Variants in REDIC1 observed in about 807,000 individuals in gnomAD.
REDIC1 encodes the protein HEI10 Interacting Protein 1.
At chr12:39,782,318 A>C in the REDIC1 span, among the ~76,000 whole-genome samples, 1 of 152,084 alleles carries the variant, frequency 6.6e-6, no homozygotes, top group Non-Finnish European at 1.5e-5. Context: ...GAAGGTACCC[A>C]GGGGGAGCTA....
chr12:39,682,956 A>C, the REDIC1 span: 1 of 1,613,462 alleles, frequency 6.2e-7, no homozygotes, highest in South Asian at 1.1e-5. Context: ...TCACTGACAG[A>C]TGCATTAGAA....
the REDIC1 span, among the ~76,000 whole-genome samples, chr12:39,664,135 T>G: frequency 1.2e-3 from 182 of 152,164 alleles, no homozygotes; most frequent in Non-Finnish European, 1.9e-3. Flanking sequence ...GCAGGTTAGT[T>G]ACATATGTAT....
the REDIC1 span, among the ~76,000 whole-genome samples, chr12:39,653,874 A>G: frequency 6.6e-6 from 1 of 152,012 alleles, no homozygotes; most frequent in Non-Finnish European, 1.5e-5. Flanking sequence ...ACTTTTTATC[A>G]TGAATTTTGT....
chr12:39,843,901 A>G, the REDIC1 span, among the ~76,000 whole-genome samples: 1 of 152,050 alleles, frequency 6.6e-6, no homozygotes, highest in Non-Finnish European at 1.5e-5. Flanking sequence ...GTATATGATT[A>G]CTGGCACATG....
chr12:39,900,231 A>T, the REDIC1 span, among the ~76,000 whole-genome samples: 9 of 152,280 alleles, frequency 5.9e-5, no homozygotes, highest in South Asian at 1.9e-3. Flanking sequence ...CACAGCCAAT[A>T]TCATACTGAA....
chr12:39,856,733 C>G, the REDIC1 span, among the ~76,000 whole-genome samples: 3 of 152,172 alleles, frequency 2.0e-5, no homozygotes, highest in African/African-American at 7.2e-5. Flanking sequence ...ACTATTCAGA[C>G]AAGGAACACG....
the REDIC1 span, among the ~76,000 whole-genome samples, chr12:39,747,771 T>C: frequency 6.6e-6 from 1 of 152,194 alleles, no homozygotes; most frequent in East Asian, 1.9e-4. Context: ...GGGGCCAATA[T>C]TCAACATTCT....
chr12:39,896,309 CATATATGTATGTATATGTGT>C, the REDIC1 span, among the ~76,000 whole-genome samples: 1 of 83,902 alleles, frequency 1.2e-5, no homozygotes, highest in African/African-American at 4.3e-5. Flanking sequence ...TATATGTATA[CATATATGTATGTATATGTGT>C]ATATATGTAT....
the REDIC1 span, among the ~76,000 whole-genome samples, chr12:39,874,378 C>A: frequency 6.6e-6 from 1 of 152,018 alleles, no homozygotes; most frequent in Non-Finnish European, 1.5e-5. Context: ...CTTTGGGAGG[C>A]CAAGGCGGGT....
the REDIC1 span, among the ~76,000 whole-genome samples, chr12:39,724,231 G>C: frequency 1.3e-5 from 2 of 152,186 alleles, no homozygotes; most frequent in East Asian, 3.9e-4. Flanking sequence ...CTACAACTCT[G>C]CTTACTCAAA....
At chr12:39,871,885 C>A in the REDIC1 span, 1 of 1,611,964 alleles carries the variant, frequency 6.2e-7, no homozygotes, top group South Asian at 1.1e-5. Flanking sequence ...TTTGTGAAGG[C>A]TGTAACTGAA....
At chr12:39,640,857 T>C in the REDIC1 span, 3 of 797,464 alleles carry the variant, frequency 3.8e-6, no homozygotes, top group Admixed American at 7.8e-5. Context: ...ACTACACTTT[T>C]AGATTTTAAC....
At chr12:39,844,416 C>T in the REDIC1 span, among the ~76,000 whole-genome samples, 1 of 151,986 alleles carries the variant, frequency 6.6e-6, no homozygotes, top group Non-Finnish European at 1.5e-5. Flanking sequence ...AGTTCTTATA[C>T]TAAGAGGCTC....
chr12:39,744,630 A>G, the REDIC1 span, among the ~76,000 whole-genome samples: 1 of 152,194 alleles, frequency 6.6e-6, no homozygotes, highest in African/African-American at 2.4e-5. Context: ...TTAGTAGTAC[A>G]TTGCAAACTC....
chr12:39,797,398 T>C, the REDIC1 span, among the ~76,000 whole-genome samples: 3 of 152,160 alleles, frequency 2.0e-5, no homozygotes, highest in Non-Finnish European at 4.4e-5. Flanking sequence ...CAGCACAGTA[T>C]TTTTCTCATT....
the REDIC1 span, among the ~76,000 whole-genome samples, chr12:39,635,362 T>C: frequency 6.6e-6 from 1 of 152,318 alleles, no homozygotes; most frequent in South Asian, 2.1e-4. Context: ...ATTGTGGCAC[T>C]ATTCACAATA....
chr12:39,789,347 G>C, the REDIC1 span, among the ~76,000 whole-genome samples: 1 of 151,940 alleles, frequency 6.6e-6, no homozygotes, highest in African/African-American at 2.4e-5. Flanking sequence ...TTAATATTAT[G>C]CTTTTGAAAT....
the REDIC1 span, among the ~76,000 whole-genome samples, chr12:39,785,584 TGAG>T: frequency 6.6e-6 from 1 of 151,934 alleles, no homozygotes; most frequent in Non-Finnish European, 1.5e-5. Context: ...GGTGGAGCTG[TGAG>T]AAGAGGGCCA....
chr12:39,712,670 TGTGTATATATGTATATATACGTATAC>T, the REDIC1 span, among the ~76,000 whole-genome samples: 1 of 143,192 alleles, frequency 7.0e-6, no homozygotes, highest in African/African-American at 2.5e-5. Flanking sequence ...TATGTATACA[TGTGTATATATGTATATATACGTATAC>T]GTGTATATAT....
Sources: allele counts gnomAD v4.1 joint callset (sites outside exome capture counted in the v4.1 genomes callset), GRCh38; gene constraint gnomAD v4.1.1; transcripts MANE v1.5; gene names NCBI Gene and HGNC (gene_info 2026-07-23, HGNC 2026-07-21).